The following B3GALT1 variants were observed in gnomAD, a reference collection of about 807,000 sequenced individuals.
B3GALT1 encodes beta-1,3-galactosyltransferase 1, also known as UDP-Gal:betaGlcNAc beta 1,3-galactosyltransferase, polypeptide 1.
In B3GALT1, 10 loss-of-function variants were observed where a neutral mutation model predicts 23.2. The ratio of observed to expected loss-of-function variants is 0.43; its 90% CI spans 0.27 to 0.73. B3GALT1 has a LOEUF of 0.73. Ranked by LOEUF, B3GALT1 falls within the 30% of genes least tolerant of loss-of-function variation. The pLI, the probability that B3GALT1 is intolerant of heterozygous loss-of-function variation, is 0.21. For missense variants in B3GALT1, 299 were observed against 405.4 expected (o/e 0.74, Z 2.25); for synonymous variants, 156 against 141.5 (o/e 1.10, Z -0.73).
At chr2:167,457,853 G>T (rs187413456) in intron 1 of B3GALT1, among the ~76,000 whole-genome samples, 1 of 152,064 alleles carries the variant, frequency 6.6e-6, no homozygotes, top group African/African-American at 2.4e-5. Flanking sequence ...TAGACCGACC[G>T]AATTAGAAAC....
intron 1 of B3GALT1, among the ~76,000 whole-genome samples, chr2:167,467,408 AAC>A (rs1039618772): frequency 6.6e-6 from 1 of 152,170 alleles, no homozygotes. Flanking sequence ...AACAGTAAAA[AAC>A]AAAAATGTCA....
At chr2:167,556,860 C>G (rs549292826) in intron 2 of B3GALT1, among the ~76,000 whole-genome samples, 1 of 152,280 alleles carries the variant, frequency 6.6e-6, no homozygotes, top group African/African-American at 2.4e-5. Flanking sequence ...CATCTTCCTG[C>G]AATGGAATAT....
chr2:167,387,753 T>C (rs1697949906), intron 1 of B3GALT1, among the ~76,000 whole-genome samples: 1 of 152,186 alleles, frequency 6.6e-6, no homozygotes, highest in African/African-American at 2.4e-5. Flanking sequence ...AATACTGTGG[T>C]CATATTTTGT....
intron 4 of B3GALT1, among the ~76,000 whole-genome samples, chr2:167,850,028 A>G (rs1316132269): frequency 2.6e-5 from 4 of 152,198 alleles, no homozygotes. Flanking sequence ...TTCAATAAAA[A>G]CAAAGATAAA....
At chr2:167,770,448 GT>G (rs1574253609) in intron 3 of B3GALT1, among the ~76,000 whole-genome samples, 1 of 152,084 alleles carries the variant, frequency 6.6e-6, no homozygotes, top group Non-Finnish European at 1.5e-5. Flanking sequence ...CTGTTCAACT[GT>G]TTTGTTCATG....
intron 1 of B3GALT1, among the ~76,000 whole-genome samples, chr2:167,464,054 T>C (rs1487630114): frequency 6.6e-6 from 1 of 152,210 alleles, no homozygotes; most frequent in African/African-American, 2.4e-5. Context: ...CTTTAATCTT[T>C]TATATAATTT....
chr2:167,512,586 A>G (rs1225348281), intron 2 of B3GALT1, among the ~76,000 whole-genome samples: 2 of 90,252 alleles, frequency 2.2e-5, no homozygotes, highest in African/African-American at 4.8e-5. Context: ...ATATGTATAT[A>G]TATATGTGTA....
intron 3 of B3GALT1, among the ~76,000 whole-genome samples, 186 bp from the exon 4 acceptor site, chr2:167,818,486 G>A (rs533790097): frequency 6.8e-6 from 1 of 147,086 alleles, no homozygotes; most frequent in South Asian, 2.1e-4. Context: ...CCTAAATGAG[G>A]TTAATTTCTT....
At chr2:167,477,177 T>C (rs1360000033) in intron 1 of B3GALT1, among the ~76,000 whole-genome samples, 1 of 152,202 alleles carries the variant, frequency 6.6e-6, no homozygotes, top group Non-Finnish European at 1.5e-5. Flanking sequence ...TAAATCTTTG[T>C]GCGTGGGAAG....
chr2:167,698,694 G>A (rs926405587), intron 3 of B3GALT1, among the ~76,000 whole-genome samples: 1 of 152,196 alleles, frequency 6.6e-6, no homozygotes, highest in South Asian at 2.1e-4. Context: ...TTGTTCAAGG[G>A]TAAGCTATTC....
chr2:167,838,285 C>CTAAT (rs1689537666), intron 4 of B3GALT1, among the ~76,000 whole-genome samples: 1 of 152,174 alleles, frequency 6.6e-6, no homozygotes, highest in Non-Finnish European at 1.5e-5. Flanking sequence ...ACTAGCAAGA[C>CTAAT]TAATAAAGAA....
At position 167,293,166 on chromosome 2, in the gene B3GALT1, A is replaced by AG. The variant is rs1696279620; in HGVS notation, c.-675dup. ...CCGGTCTTGCAGGCGGCCGCCGGGG[A>AG]GGGGCGGCCGAGAGAGCGGAGCACG... is the stretch of plus-strand genomic sequence containing the variant. On this transcript the variant is annotated 5_prime_UTR_variant, in exon 1 of 5. Coordinates refer to ENST00000392690, the MANE Select transcript of B3GALT1 (RefSeq NM_020981.4). 5 of 151,138 alleles carry AG rather than the reference A, an allele frequency of 3.3e-5. No individual in the cohort carries two copies. In the South Asian group the frequency reaches 1.0e-3, roughly 31 times the overall value. The allele number at this position is 151,138 out of a possible 1,614,324, so 9.4% of individuals were successfully genotyped here. A position where few individuals can be genotyped will look rare whatever the true frequency, so the allele number is the denominator to read the frequency against.
chr2:167,406,027 A>ATT (rs575276618), intron 1 of B3GALT1, among the ~76,000 whole-genome samples: 422 of 150,496 alleles, frequency 2.8e-3, no homozygotes, highest in African/African-American at 9.7e-3. Flanking sequence ...ATTTGGGGAA[A>ATT]TTTTTTTTTT....
chr2:167,516,932 A>G (rs866354601), intron 2 of B3GALT1, among the ~76,000 whole-genome samples: 3 of 133,644 alleles, frequency 2.2e-5, no homozygotes, highest in South Asian at 2.7e-4. Flanking sequence ...CATATGACAT[A>G]TAAGTACTTC....
Position 167,704,167 on chromosome 2 carries a change from C to T in B3GALT1, c.-352+57201C>T, listed in dbSNP as rs150253540. ...CTGCACTCCAGACTGGGCAAAGGAGCGAAACTCAGTCTCAACAAAAAAAAA... is the reference window on the plus strand; with the variant it reads ...CTGCACTCCAGACTGGGCAAAGGAGTGAAACTCAGTCTCAACAAAAAAAAA... On this transcript the variant is annotated intron_variant, in intron 3 of 4. Coordinates refer to ENST00000392690, the MANE Select transcript of B3GALT1 (RefSeq NM_020981.4). Among the ~76,000 whole-genome samples the T allele has an allele frequency of 8.0e-5, 8 of 100,180 alleles. No homozygotes were observed. In the East Asian group the frequency reaches 1.7e-3, roughly 21 times the overall value. 65.7% of individuals were successfully genotyped at this position (100,180 alleles called of 152,430 possible).
rs527419573 is a variant in B3GALT1, at chr2:167,471,240, A to C, written c.-510-18937A>C. Among the ~76,000 whole-genome samples, 3 of 152,352 alleles carry C rather than the reference A, an allele frequency of 2.0e-5. No homozygotes were observed. In the East Asian group the frequency reaches 5.8e-4, roughly 29 times the overall value. ...AGATAGTAAAAATACGTGCATTTCA[A>C]AAATAAAAATCGACACTTGATTCAT... On this transcript the variant is annotated intron_variant, in intron 1 of 4. Transcript: ENST00000392690.
At chr2:167,631,373 A>T (rs550075520) in intron 2 of B3GALT1, 9 of 152,016 alleles carry the variant, frequency 5.9e-5, no homozygotes, top group Admixed American at 2.0e-4. Flanking sequence ...ACATATTCAG[A>T]TACCTGCTCT....
intron 1 of B3GALT1, among the ~76,000 whole-genome samples, chr2:167,453,462 A>G (rs1699119663): frequency 6.6e-6 from 1 of 152,234 alleles, no homozygotes; most frequent in Non-Finnish European, 1.5e-5. Context: ...TATTAAATGT[A>G]TATATTCTAC....
intron 3 of B3GALT1, among the ~76,000 whole-genome samples, chr2:167,726,820 A>G (rs565762751): frequency 2.6e-5 from 4 of 152,362 alleles, no homozygotes; most frequent in East Asian, 3.9e-4. Context: ...AATAACCTCA[A>G]GCATCCTTAG....
Sources: gnomAD v4.1 joint callset for allele counts (sites outside exome capture counted in the v4.1 genomes callset) on GRCh38, gnomAD v4.1.1 for gene constraint, MANE v1.5 for transcripts, NCBI Gene and HGNC (gene_info 2026-07-23, HGNC 2026-07-21) for gene names.